EXOSC7: variants seen among roughly 807,000 people sequenced by gnomAD.
The protein encoded by EXOSC7 is exosome component 7.
In EXOSC7, 25 loss-of-function variants were observed where a neutral mutation model predicts 34.3. The ratio of observed to expected loss-of-function variants is 0.73; its 90% CI spans 0.53 to 1.02. The LOEUF (loss-of-function observed/expected upper bound fraction) is 1.02. Ranked by LOEUF, EXOSC7 falls within the 50% of genes least tolerant of loss-of-function variation. EXOSC7 has a pLI of 0.00. For synonymous variants in EXOSC7, 130 were observed against 143.0 expected, an observed-to-expected ratio of 0.91 and a Z score of 0.65; for missense variants, 370 against 368.5, an observed-to-expected ratio of 1.00 and a Z score of -0.03.
intron 1 of EXOSC7, 134 bp downstream of exon 1, chr3:44,976,468 C>T: frequency 3.9e-6 from 3 of 770,068 alleles, no homozygotes; most frequent in Non-Finnish European, 6.0e-6. Flanking sequence ...TTAAACGGTT[C>T]TGCTGCCGGC....
intron 6 of EXOSC7, among the ~76,000 whole-genome samples, chr3:45,006,048 G>A (rs1330032231): frequency 6.7e-6 from 1 of 148,326 alleles, no homozygotes; most frequent in Non-Finnish European, 1.5e-5. Flanking sequence ...ACAACAGGAT[G>A]GCAGGATGTT....
chr3:44,976,353 T>G lies in EXOSC7; in HGVS notation c.57+19T>G, dbSNP rs574646729. ...CGTCCAGGTAGCTACAGCAGCGGCG[T>G]TGGGTCGGCCGCCGGGTTCAGCCTG... On this transcript the variant is annotated intron_variant, in intron 1 of 7. Transcript: ENST00000265564. 3.8e-6 allele frequency: 6 copies of G among 1,564,004 alleles called. No individual in the cohort carries two copies. The Admixed American group carries it at 8.0e-5, about 21-fold the overall frequency.
intron 1 of EXOSC7, chr3:44,977,455 G>A (rs1279773284): frequency 6.6e-6 from 1 of 152,200 alleles, no homozygotes; most frequent in East Asian, 1.9e-4. Context: ...ATCGTGACCT[G>A]CCGTTATCTT....
intron 1 of EXOSC7, among the ~76,000 whole-genome samples, chr3:44,988,408 C>T (rs916295786): frequency 1.3e-5 from 2 of 152,150 alleles, no homozygotes; most frequent in African/African-American, 2.4e-5. Context: ...ACAGGCAGCG[C>T]GTAGACCACC....
At chr3:44,993,666 G>C (rs879417447) in intron 3 of EXOSC7, among the ~76,000 whole-genome samples, 1 of 152,132 alleles carries the variant, frequency 6.6e-6, no homozygotes, top group Non-Finnish European at 1.5e-5. Context: ...CTGGAAGAGG[G>C]ACTGGTCATG....
At chr3:45,005,784 C>T (rs1399240784) in intron 6 of EXOSC7, among the ~76,000 whole-genome samples, 1 of 152,068 alleles carries the variant, frequency 6.6e-6, no homozygotes, top group Non-Finnish European at 1.5e-5. Context: ...CACTGTCCCC[C>T]CTATGAAATG....
chr3:44,998,923 C>T (rs1441737081), intron 4 of EXOSC7, among the ~76,000 whole-genome samples: 1 of 152,174 alleles, frequency 6.6e-6, no homozygotes, highest in Non-Finnish European at 1.5e-5. Flanking sequence ...GGTGCAGCCC[C>T]ATGACGTGAA....
intron 2 of EXOSC7, 82 bp downstream of exon 2, chr3:44,989,323 T>C (rs1706506100): frequency 1.8e-6 from 2 of 1,118,574 alleles, no homozygotes; most frequent in South Asian, 2.7e-5. Flanking sequence ...TGTCTGGCTT[T>C]TGGAATGCAA....
At chr3:44,979,578 A>G (rs1706220240) in intron 1 of EXOSC7, among the ~76,000 whole-genome samples, 1 of 140,254 alleles carries the variant, frequency 7.1e-6, no homozygotes, top group South Asian at 2.6e-4. Flanking sequence ...AGGAATCCTA[A>G]TCTCTGCTGG....
intron 1 of EXOSC7, among the ~76,000 whole-genome samples, chr3:44,986,912 TTA>T (rs1706435146): frequency 6.6e-6 from 1 of 152,162 alleles, no homozygotes; most frequent in African/African-American, 2.4e-5. Flanking sequence ...GTCACATACT[TTA>T]GAGCAGTGTT....
chr3:44,985,802 G>T (rs1339359475), intron 1 of EXOSC7, among the ~76,000 whole-genome samples: 1 of 152,102 alleles, frequency 6.6e-6, no homozygotes, highest in Non-Finnish European at 1.5e-5. Context: ...TCTGCTGATT[G>T]GTCCATTTTA....
chr3:44,992,795 C>T (rs926499616), intron 3 of EXOSC7, among the ~76,000 whole-genome samples: 6 of 152,222 alleles, frequency 3.9e-5, no homozygotes, highest in Non-Finnish European at 7.3e-5. Context: ...CAAGTTGCTT[C>T]TCAGTTCTCC....
intron 1 of EXOSC7, among the ~76,000 whole-genome samples, chr3:44,979,002 A>G (rs1706199697): frequency 6.6e-6 from 1 of 152,206 alleles, no homozygotes; most frequent in Non-Finnish European, 1.5e-5. Context: ...CCTCCCTCTC[A>G]CCAGTACCAT....
At chr3:44,995,675 C>T (rs920632072) in intron 3 of EXOSC7, among the ~76,000 whole-genome samples, 1 of 152,198 alleles carries the variant, frequency 6.6e-6, no homozygotes, top group Admixed American at 6.5e-5. Context: ...AGGCAGGGAA[C>T]AGCGAGGTTG....
intron 3 of EXOSC7, among the ~76,000 whole-genome samples, chr3:44,995,160 A>G (rs561224273): frequency 3.9e-5 from 6 of 152,042 alleles, no homozygotes; most frequent in African/African-American, 1.2e-4. Context: ...TTTTTGTATT[A>G]TTAGTAGAGA....
At position 45,011,289 on chromosome 3, in the gene EXOSC7, A is replaced by G; in HGVS notation, c.826A>G (p.Lys276Glu). 1 of 1,613,588 alleles carries G rather than the reference A, an allele frequency of 6.2e-7. No individual in the cohort carries two copies. The highest frequency in any genetic ancestry group is 8.5e-7 in the Non-Finnish European group (1 of 1,179,802). ...TGCCTCCTTGCAGAGTGTTGTGCACAAGGAAGAAAGCCTGGGGCCCAAGAG... is the reference window on the plus strand; with the variant it reads ...TGCCTCCTTGCAGAGTGTTGTGCACGAGGAAGAAAGCCTGGGGCCCAAGAG... ...LHASLQSVVH[K>E]EESLGPKRQK... The change falls in exon 8 of 8, where the codon AAG becomes GAG. Residue 276 changes from lysine (K) to glutamate (E), a missense_variant. Transcript: ENST00000265564.
intron 5 of EXOSC7, among the ~76,000 whole-genome samples, chr3:45,003,725 A>G (rs554050507): frequency 3.0e-4 from 45 of 152,314 alleles, no homozygotes; most frequent in Non-Finnish European, 5.4e-4. Flanking sequence ...TGTTGCCAGC[A>G]CCCCAGAAGC....
intron 3 of EXOSC7, among the ~76,000 whole-genome samples, chr3:44,990,547 TC>T (rs895385716): frequency 3.9e-5 from 6 of 152,032 alleles, no homozygotes; most frequent in Non-Finnish European, 7.4e-5. Flanking sequence ...TGTATCAAGA[TC>T]CCCAAGACCA....
Position 44,989,248 on chromosome 3 carries a change from AC to A in EXOSC7, c.159+8del, listed in dbSNP as rs1428474152. The stretch of plus-strand genomic sequence containing the variant: ...GTCCGCCAGGGTCAAGCTGGTGAGT[AC>A]TGTGACCATGGTTCAAGCCCAGGTG... On this transcript the variant is annotated splice_region_variant and intron_variant, in intron 2 of 7. Coordinates refer to ENST00000265564, the MANE Select transcript of EXOSC7 (RefSeq NM_015004.4). 6.2e-7 allele frequency: 1 copy of A among 1,604,392 alleles called. No individual in the cohort carries two copies. The highest frequency in any genetic ancestry group is 1.1e-5 in the South Asian group (1 of 90,806).
Sources: gnomAD v4.1 joint callset for allele counts (sites outside exome capture counted in the v4.1 genomes callset) on GRCh38, gnomAD v4.1.1 for gene constraint, MANE v1.5 for transcripts, NCBI Gene and HGNC (gene_info 2026-07-23, HGNC 2026-07-21) for gene names.